RANBP2: variants seen among roughly 807,000 people sequenced by gnomAD.
RANBP2 encodes the protein RAN binding protein 2, also known as E3 SUMO-protein ligase RanBP2.
A neutral mutation model predicts 303.6 loss-of-function variants in RANBP2; 57 were observed. The observed-to-expected ratio is 0.19, with a 90% confidence interval of 0.15 to 0.23. The LOEUF is 0.23. Among genes scored for constraint, RANBP2 ranks in the 10% least tolerant of loss-of-function variants. The pLI is 1.00. For missense variants in RANBP2, 3,138 were observed against 3,780.8 expected, an observed-to-expected ratio of 0.83 and a Z score of 4.46; for synonymous variants, 1,167 against 1,301.5, an observed-to-expected ratio of 0.90 and a Z score of 2.23.
At chr2:108,739,674 A>C (rs960253318) in intron 6 of RANBP2, among the ~76,000 whole-genome samples, 1 of 152,164 alleles carries the variant, frequency 6.6e-6, no homozygotes, top group African/African-American at 2.4e-5. Context: ...ATTTAGAAGA[A>C]CTAATTTAGA....
In RANBP2 at chr2:108,781,997, A is replaced by C. The variant is rs569307567; in HGVS notation, c.8761-131A>C. 753 of 987,746 alleles carry C rather than the reference A, an allele frequency of 7.6e-4. 2 individuals carry two copies. The highest frequency in any genetic ancestry group is 1.0e-3 in the Non-Finnish European group (671 of 671,742). The allele number at this position is 987,746 out of a possible 1,614,324, so 61.2% of individuals were successfully genotyped here. On this transcript the variant is annotated intron_variant, in intron 26 of 28. Coordinates refer to ENST00000283195, the MANE Select transcript of RANBP2 (RefSeq NM_006267.5). ...TATATTCCTAGCCCTAAGATATATA[A>C]CCAGTTATCACATTAACAAATTCTC...
the RANBP2 span, among the ~76,000 whole-genome samples, chr2:109,669,861 C>T: frequency 4.6e-5 from 7 of 151,902 alleles, no homozygotes; most frequent in Non-Finnish European, 1.0e-4. Context: ...CCTAACCAGT[C>T]GCCCCACCCC....
chr2:108,763,644 A>G lies in RANBP2; in HGVS notation c.3105A>G (p.Ser1035=), dbSNP rs187863388. 1.4e-5 allele frequency: 22 copies of G among 1,614,096 alleles called. No homozygotes were observed. The highest frequency in any genetic ancestry group is 1.9e-5 in the Non-Finnish European group (22 of 1,180,010). Residue 1035 remains serine, a synonymous_variant, in exon 20 of 29, where the codon TCA becomes TCG. Transcript: ENST00000283195. ...TTQPTPFKFN[S]NFKSNDGDFT... ...AGCCAACTCCTTTTAAATTTAACTC[A>G]AATTTCAAATCAAATGATGGTGACT...
the RANBP2 span, among the ~76,000 whole-genome samples, chr2:108,993,140 AG>A: frequency 6.6e-6 from 1 of 152,192 alleles, no homozygotes; most frequent in Non-Finnish European, 1.5e-5. Flanking sequence ...TGTGGGGGTA[AG>A]GGGGTGTGAG....
the RANBP2 span, among the ~76,000 whole-genome samples, chr2:109,505,382 T>C: frequency 2.6e-5 from 4 of 152,190 alleles, no homozygotes; most frequent in Non-Finnish European, 5.9e-5. Context: ...ACCATAAAAA[T>C]TAAGTGACCT....
chr2:109,221,120 CATT>C, the RANBP2 span, among the ~76,000 whole-genome samples: 2 of 152,170 alleles, frequency 1.3e-5, no homozygotes, highest in Admixed American at 1.3e-4. Context: ...ACTTTGAAGT[CATT>C]ATGCTGAGTG....
the RANBP2 span, chr2:109,543,008 C>T: frequency 6.6e-6 from 1 of 152,420 alleles, no homozygotes; most frequent in East Asian, 1.9e-4. Context: ...TTTTATTTGT[C>T]AAGAGTAAAT....
chr2:109,113,331 C>T, the RANBP2 span, among the ~76,000 whole-genome samples: 1 of 151,810 alleles, frequency 6.6e-6, no homozygotes, highest in Non-Finnish European at 1.5e-5. Context: ...TTGTAGTTCT[C>T]CTTGAAGAGG....
At chr2:108,832,478 G>T in the RANBP2 span, among the ~76,000 whole-genome samples, 1 of 151,006 alleles carries the variant, frequency 6.6e-6, no homozygotes, top group Non-Finnish European at 1.5e-5. Context: ...CTCCCAAGTA[G>T]CTGGGATTAC....
chr2:109,714,901 C>T, the RANBP2 span, among the ~76,000 whole-genome samples: 1,673 of 140,700 alleles, frequency 0.012, 116 homozygotes, highest in Admixed American at 0.091. Flanking sequence ...TGAGCCACCA[C>T]GCCCGGGCTT....
At chr2:109,634,670 A>C in the RANBP2 span, among the ~76,000 whole-genome samples, 4 of 152,252 alleles carry the variant, frequency 2.6e-5, no homozygotes, top group African/African-American at 9.6e-5. Flanking sequence ...ATATTGGTAC[A>C]TCTATGTGGA....
chr2:108,975,318 G>T, the RANBP2 span, among the ~76,000 whole-genome samples: 1 of 152,212 alleles, frequency 6.6e-6, no homozygotes, highest in Non-Finnish European at 1.5e-5. Flanking sequence ...TCCCACCCGT[G>T]TCTTCTATGG....
the RANBP2 span, among the ~76,000 whole-genome samples, chr2:108,878,968 C>T: frequency 6.6e-6 from 1 of 151,950 alleles, no homozygotes; most frequent in Non-Finnish European, 1.5e-5. Context: ...AATAGAATGA[C>T]AGGAATGTGA....
the RANBP2 span, among the ~76,000 whole-genome samples, chr2:109,346,312 A>G: frequency 1.3e-5 from 2 of 152,200 alleles, no homozygotes; most frequent in African/African-American, 2.4e-5. Flanking sequence ...TTGCTGAAAC[A>G]TAAATGTAGA....
At chr2:109,426,174 G>A in the RANBP2 span, among the ~76,000 whole-genome samples, 5 of 152,310 alleles carry the variant, frequency 3.3e-5, no homozygotes, top group East Asian at 1.9e-4. Context: ...CTCCCAAAGC[G>A]CTGGGATTAC....
the RANBP2 span, among the ~76,000 whole-genome samples, chr2:109,712,299 C>T: frequency 6.6e-6 from 1 of 152,222 alleles, no homozygotes; most frequent in Non-Finnish European, 1.5e-5. Context: ...CACTCATTCT[C>T]AGGCTGACAC....
At chr2:109,067,550 C>T in the RANBP2 span, among the ~76,000 whole-genome samples, 2 of 152,314 alleles carry the variant, frequency 1.3e-5, no homozygotes, top group South Asian at 4.1e-4. Flanking sequence ...GTCTTGAAGT[C>T]TTCATCTGTA....
chr2:108,897,531 C>CA, the RANBP2 span, among the ~76,000 whole-genome samples: 372 of 152,250 alleles, frequency 2.4e-3, no homozygotes, highest in African/African-American at 8.3e-3. Flanking sequence ...TAGCAGTTCT[C>CA]AAAGACTTCA....
the RANBP2 span, chr2:108,923,347 T>C: frequency 1.2e-6 from 2 of 1,610,970 alleles, no homozygotes; most frequent in Admixed American, 1.7e-5. Context: ...ACCGTGCTGG[T>C]GGAAGGACAA....
Sources: gnomAD v4.1 joint callset for allele counts (sites outside exome capture counted in the v4.1 genomes callset) on GRCh38, gnomAD v4.1.1 for gene constraint, MANE v1.5 for transcripts, NCBI Gene and HGNC (gene_info 2026-07-23, HGNC 2026-07-21) for gene names.